Variants in DENND1A observed in about 807,000 individuals in gnomAD.
DENND1A encodes DENN domain containing 1A.
DENND1A carries 51 observed loss-of-function variants against 113.7 expected under a neutral mutation model. The observed-to-expected ratio is 0.45, with a 90% confidence interval of 0.36 to 0.57. The LOEUF is 0.57. Among genes scored for constraint, DENND1A ranks in the 20% least tolerant of loss-of-function variants. The pLI is 0.00. For synonymous variants in DENND1A, 565 were observed against 570.8 expected (o/e 0.99, Z 0.14); for missense variants, 1,258 against 1,395.9 (o/e 0.90, Z 1.57).
At chr9:123,926,500 G>A (rs1003778152) in intron 1 of DENND1A, among the ~76,000 whole-genome samples, 1 of 148,532 alleles carries the variant, frequency 6.7e-6, no homozygotes, top group Admixed American at 6.7e-5. Context: ...CCGGGGGTTG[G>A]AGGTTGCCAT....
At chr9:123,913,476 G>A (rs1282029425) in intron 1 of DENND1A, among the ~76,000 whole-genome samples, 2 of 152,056 alleles carry the variant, frequency 1.3e-5, no homozygotes, top group East Asian at 3.8e-4. Context: ...GTACAGGGAA[G>A]CCTGGAAAAA....
chr9:123,535,801 T>G (rs1460960129), intron 13 of DENND1A, among the ~76,000 whole-genome samples: 1 of 152,234 alleles, frequency 6.6e-6, no homozygotes, highest in Non-Finnish European at 1.5e-5. Flanking sequence ...CGCATCACTA[T>G]CTGAACTCAT....
chr9:123,892,196 T>G (rs1304136080), intron 1 of DENND1A, among the ~76,000 whole-genome samples: 2 of 152,196 alleles, frequency 1.3e-5, no homozygotes, highest in African/African-American at 4.8e-5. Flanking sequence ...ACAGGTGCAG[T>G]AGCTGGTACT....
intron 11 of DENND1A, among the ~76,000 whole-genome samples, chr9:123,599,479 T>C (rs192834983): frequency 3.3e-5 from 5 of 152,340 alleles, no homozygotes; most frequent in African/African-American, 1.2e-4. Context: ...TTCATAATAA[T>C]AGCTACCAGA....
At chr9:123,705,655 A>C (rs982711453) in intron 5 of DENND1A, among the ~76,000 whole-genome samples, 1 of 152,222 alleles carries the variant, frequency 6.6e-6, no homozygotes, top group African/African-American at 2.4e-5. Context: ...GTGTTTTTAA[A>C]AGATATTAAA....
intron 15 of DENND1A, 70 bp from the exon 16 acceptor site, chr9:123,454,849 CTTTTTTTT>C (rs764248245): frequency 2.2e-6 from 2 of 904,968 alleles, no homozygotes; most frequent in African/African-American, 3.7e-5. Context: ...CTTAAAATTG[CTTTTTTTT>C]TTTTTTTTGA....
intron 5 of DENND1A, among the ~76,000 whole-genome samples, chr9:123,748,635 T>C (rs2069734424): frequency 6.6e-6 from 1 of 152,154 alleles, no homozygotes; most frequent in Non-Finnish European, 1.5e-5. Flanking sequence ...AAAGGGCAAT[T>C]TTAGGAGTGA....
intron 2 of DENND1A, among the ~76,000 whole-genome samples, chr9:123,803,942 C>A (rs1835114335): frequency 6.6e-6 from 1 of 152,188 alleles, no homozygotes; most frequent in Admixed American, 6.5e-5. Context: ...TCTTTTACTG[C>A]TAACATCAAT....
intron 11 of DENND1A, among the ~76,000 whole-genome samples, chr9:123,608,252 A>G (rs1385581719): frequency 6.6e-6 from 1 of 152,214 alleles, no homozygotes; most frequent in Non-Finnish European, 1.5e-5. Context: ...AATGTCAAAC[A>G]AACAGGTTTT....
At chr9:123,472,380 T>C (rs899069866) in intron 13 of DENND1A, among the ~76,000 whole-genome samples, 1 of 152,144 alleles carries the variant, frequency 6.6e-6, no homozygotes, top group African/African-American at 2.4e-5. Flanking sequence ...CGAGGAGCTG[T>C]GTCACTGGGG....
chr9:123,589,607 C>T (rs2059357244), intron 11 of DENND1A, among the ~76,000 whole-genome samples: 1 of 142,596 alleles, frequency 7.0e-6, no homozygotes, highest in Non-Finnish European at 1.5e-5. Context: ...CAGCTGCAAA[C>T]CCTTCCCCCC....
chr9:123,633,563 T>A (rs1381762837), intron 9 of DENND1A, among the ~76,000 whole-genome samples: 1 of 152,006 alleles, frequency 6.6e-6, no homozygotes, highest in Non-Finnish European at 1.5e-5. Context: ...TCACTTGAGA[T>A]CAGGAGTTCA....
chr9:123,430,346 A>T (rs2046043346), intron 19 of DENND1A, among the ~76,000 whole-genome samples: 1 of 152,244 alleles, frequency 6.6e-6, no homozygotes, highest in East Asian at 1.9e-4. Context: ...TTATATGCCC[A>T]AAGGAATATC....
At chr9:123,552,390 G>C (rs1367559851) in intron 13 of DENND1A, among the ~76,000 whole-genome samples, 3 of 152,254 alleles carry the variant, frequency 2.0e-5, no homozygotes, top group Non-Finnish European at 4.4e-5. Flanking sequence ...AAGGGGAACT[G>C]AGGATTGGAG....
intron 5 of DENND1A, among the ~76,000 whole-genome samples, chr9:123,718,865 C>A (rs1227648257): frequency 6.6e-6 from 1 of 152,166 alleles, no homozygotes; most frequent in East Asian, 1.9e-4. Flanking sequence ...TGTGTCCTCA[C>A]CCAAATCTCA....
intron 13 of DENND1A, among the ~76,000 whole-genome samples, chr9:123,502,062 ATTAG>A (rs1201357243): frequency 1.3e-5 from 2 of 151,846 alleles, no homozygotes; most frequent in East Asian, 3.9e-4. Flanking sequence ...TCTATCTCCT[ATTAG>A]TTCTGTCCCT....
At chr9:123,580,281 T>C (rs1250014107) in intron 12 of DENND1A, among the ~76,000 whole-genome samples, 2 of 152,236 alleles carry the variant, frequency 1.3e-5, no homozygotes, top group Admixed American at 6.5e-5. Flanking sequence ...AAAAGGCATC[T>C]TGGAATTTGC....
chr9:123,644,632 A>G (rs1267731272), intron 9 of DENND1A, among the ~76,000 whole-genome samples: 2 of 152,210 alleles, frequency 1.3e-5, no homozygotes. Flanking sequence ...CCCAATAGAC[A>G]TAACCTGGTT....
chr9:123,563,589 A>G (rs1472976237), intron 12 of DENND1A, among the ~76,000 whole-genome samples: 1 of 152,174 alleles, frequency 6.6e-6, no homozygotes, highest in Non-Finnish European at 1.5e-5. Context: ...GTTTAGATTC[A>G]TCTTTTACCA....
Sources: gnomAD v4.1 joint callset for allele counts (sites outside exome capture counted in the v4.1 genomes callset) on GRCh38, gnomAD v4.1.1 for gene constraint, MANE v1.5 for transcripts, NCBI Gene and HGNC (gene_info 2026-07-23, HGNC 2026-07-21) for gene names.